The following HDAC9 variants were observed in gnomAD, a reference collection of about 807,000 sequenced individuals.
HDAC9 encodes histone deacetylase 9.
A neutral mutation model predicts 139.4 loss-of-function variants in HDAC9; 41 were observed. The ratio of observed to expected loss-of-function variants is 0.29; its 90% CI spans 0.23 to 0.38. The LOEUF is 0.38. HDAC9 is among the 10% of genes least tolerant of loss of function. The probability of loss-of-function intolerance (pLI) is 1.00; values close to 1 mark genes in which losing one functional copy is unlikely to be tolerated. For missense variants in HDAC9, 1,147 were observed against 1,297.0 expected (o/e 0.88, Z 1.78); for synonymous variants, 517 against 476.2 (o/e 1.09, Z -1.12).
At chr7:18,805,989 T>G (rs1793673705) in intron 17 of HDAC9, among the ~76,000 whole-genome samples, 1 of 152,218 alleles carries the variant, frequency 6.6e-6, no homozygotes, top group Admixed American at 6.5e-5. Context: ...TCCCTGATCC[T>G]GTGGGTCAGC....
chr7:18,952,622 C>T (rs920831591), intron 23 of HDAC9, among the ~76,000 whole-genome samples: 1 of 151,966 alleles, frequency 6.6e-6, no homozygotes. Flanking sequence ...GCCCTCTGAA[C>T]CTTGTCTAAT....
At chr7:18,223,836 C>T (rs1262669679) in intron 2 of HDAC9, among the ~76,000 whole-genome samples, 1 of 151,964 alleles carries the variant, frequency 6.6e-6, no homozygotes, top group Admixed American at 6.6e-5. Flanking sequence ...GGGAAAGTCT[C>T]CCTCTTTATT....
chr7:18,143,710 CAGG>C (rs906732778), intron 1 of HDAC9, among the ~76,000 whole-genome samples: 6 of 150,668 alleles, frequency 4.0e-5, no homozygotes, highest in African/African-American at 1.5e-4. Flanking sequence ...TGCTTGAACT[CAGG>C]AGGCAGGAGG....
At chr7:18,137,212 A>G (rs200702008) in intron 1 of HDAC9, among the ~76,000 whole-genome samples, 10,149 of 104,460 alleles carry the variant, frequency 0.097, 391 homozygotes, top group East Asian at 0.18. Context: ...GGGCTGAGAC[A>G]ATGGGGTTTT....
At chr7:18,327,785 T>C (rs545067703) in intron 1 of HDAC9, 1 of 152,004 alleles carries the variant, frequency 6.6e-6, no homozygotes, top group Non-Finnish European at 1.5e-5. Flanking sequence ...TCCTACTATC[T>C]AACTTACCAA....
chr7:18,780,128 G>A (rs1009904556), intron 16 of HDAC9, among the ~76,000 whole-genome samples: 1 of 151,964 alleles, frequency 6.6e-6, no homozygotes, highest in East Asian at 1.9e-4. Flanking sequence ...CTACTCATCC[G>A]TGGACCACAT....
At chr7:18,806,561 C>T (rs765449513) in intron 17 of HDAC9, among the ~76,000 whole-genome samples, 40 of 152,132 alleles carry the variant, frequency 2.6e-4, no homozygotes, top group Non-Finnish European at 4.3e-4. Flanking sequence ...TCTGTGACCA[C>T]GGTTGGAAAA....
chr7:18,891,024 G>A (rs569581845), intron 22 of HDAC9, among the ~76,000 whole-genome samples: 7 of 152,224 alleles, frequency 4.6e-5, no homozygotes, highest in East Asian at 3.9e-4. Context: ...GTATTTGTGC[G>A]CTATATAAAA....
At chr7:18,477,493 T>C (rs1249448683) in intron 1 of HDAC9, among the ~76,000 whole-genome samples, 3 of 152,164 alleles carry the variant, frequency 2.0e-5, no homozygotes, top group African/African-American at 7.2e-5. Flanking sequence ...ATATTTGAGA[T>C]GGAGATAGTT....
At chr7:18,914,142 C>A (rs1447192832) in intron 22 of HDAC9, among the ~76,000 whole-genome samples, 6 of 151,694 alleles carry the variant, frequency 4.0e-5, no homozygotes, top group African/African-American at 1.5e-4. Flanking sequence ...CATGTGAGGA[C>A]GTGGTGACAA....
intron 16 of HDAC9, among the ~76,000 whole-genome samples, chr7:18,787,947 T>G (rs1335971242): frequency 6.6e-6 from 1 of 152,188 alleles, no homozygotes; most frequent in Non-Finnish European, 1.5e-5. Context: ...GGACTTAATG[T>G]CTTTAGGTAA....
chr7:18,688,481 C>T (rs1029737874), intron 12 of HDAC9, among the ~76,000 whole-genome samples: 3 of 151,782 alleles, frequency 2.0e-5, no homozygotes, highest in Non-Finnish European at 4.4e-5. Flanking sequence ...TTTACATATG[C>T]CCTCTATATT....
At chr7:18,972,714 G>C (rs1032350856) in intron 24 of HDAC9, among the ~76,000 whole-genome samples, 2 of 152,020 alleles carry the variant, frequency 1.3e-5, no homozygotes, top group African/African-American at 2.4e-5. Flanking sequence ...TCTTCAATTA[G>C]CCGTGTCTCC....
At position 18,644,666 on chromosome 7, in the gene HDAC9, A is replaced by G; in HGVS notation, c.913-5A>G. The G allele has an allele frequency of 1.2e-6, 2 of 1,603,452 alleles. No homozygotes were observed. The highest frequency in any genetic ancestry group is 1.7e-6 in the Non-Finnish European group (2 of 1,175,292). ...TATTTTGAGACTCTCCTCTTTTTTT[A>G]ACAGCAAATGGTTTCACAGCAACGC... On this transcript the variant is annotated splice_polypyrimidine_tract_variant and splice_region_variant and intron_variant, in intron 8 of 25. Transcript: ENST00000686413.
chr7:18,793,469 A>T lies in HDAC9; in HGVS notation c.2322+17A>T, dbSNP rs371928750. On this transcript the variant is annotated intron_variant, in intron 17 of 25. Coordinates refer to ENST00000686413, the MANE Select transcript of HDAC9 (RefSeq NM_178425.4). ...GAGCTGAAGGTGAGGTCCGGGTTGC[A>T]TTAAGTGTGGGAAATCCAGAGAAGA... 47 of 1,472,722 alleles carry T rather than the reference A, an allele frequency of 3.2e-5. No homozygotes were observed. The highest frequency in any genetic ancestry group is 1.7e-4 in the Middle Eastern group (1 of 5,840). 91.2% of individuals were successfully genotyped at this position (1,472,722 alleles called of 1,614,324 possible). A position where few individuals can be genotyped will look rare whatever the true frequency, so the allele number is the denominator to read the frequency against.
chr7:18,529,388 T>C (rs1370469122), intron 2 of HDAC9, among the ~76,000 whole-genome samples: 1 of 152,204 alleles, frequency 6.6e-6, no homozygotes, highest in Non-Finnish European at 1.5e-5. Context: ...GGGGAGGTAT[T>C]GTCCCAGAAT....
At chr7:18,804,222 G>A (rs1793524306) in intron 17 of HDAC9, among the ~76,000 whole-genome samples, 1 of 152,172 alleles carries the variant, frequency 6.6e-6, no homozygotes, top group African/African-American at 2.4e-5. Context: ...ATTCCACACA[G>A]GAAAAAAGCA....
At chr7:18,582,745 G>A (rs723157) in intron 2 of HDAC9, among the ~76,000 whole-genome samples, 82,058 of 151,840 alleles carry the variant, frequency 0.54, 23,093 homozygotes, top group African/African-American at 0.72. Flanking sequence ...ATTCAGTATT[G>A]TCTCCTGGAG....
chr7:18,668,356 C>G, intron 12 of HDAC9: 1 of 935,632 alleles, frequency 1.1e-6, no homozygotes. Context: ...ATATGGCATG[C>G]CTAAGATAAA....
Sources: gnomAD v4.1 joint callset for allele counts (sites outside exome capture counted in the v4.1 genomes callset) on GRCh38, gnomAD v4.1.1 for gene constraint, MANE v1.5 for transcripts, NCBI Gene and HGNC (gene_info 2026-07-23, HGNC 2026-07-21) for gene names.